TEX19: variants seen among roughly 807,000 people sequenced by gnomAD.
The protein encoded by TEX19 is testis-expressed protein 19.
For synonymous variants in TEX19, 77 were observed against 73.9 expected, an observed-to-expected ratio of 1.04 and a Z score of -0.21; for missense variants, 184 against 194.4, an observed-to-expected ratio of 0.95 and a Z score of 0.32.
intron 1 of TEX19, among the ~76,000 whole-genome samples, chr17:82,359,549 TTTCCCTCAA>T (rs913533820): frequency 5.4e-5 from 5 of 93,408 alleles, no homozygotes; most frequent in Non-Finnish European, 1.1e-4. Context: ...GTTCCCTCAG[TTTCCCTCAA>T]GTTTCCCTCA....
chr17:82,361,598 A>G lies in TEX19; in HGVS notation c.-271-282A>G, dbSNP rs1022434755. Reference sequence around the variant, plus strand: ...CCTTCAGGTTCCCTCAATTTCCATCAGGTCCCCTCAGGCTCTGCCAGTTTC... The same window carrying G: ...CCTTCAGGTTCCCTCAATTTCCATCGGGTCCCCTCAGGCTCTGCCAGTTTC... On this transcript the variant is annotated intron_variant, in intron 1 of 1. Transcript: ENST00000333437. 17 of 983,928 alleles carry G rather than the reference A, an allele frequency of 1.7e-5. No individual in the cohort carries two copies. In the South Asian group the frequency reaches 2.4e-4, roughly 14 times the overall value. 60.9% of individuals were successfully genotyped at this position (983,928 alleles called of 1,614,324 possible).
At position 82,363,386 on chromosome 17, in the gene TEX19, A is replaced by G. The variant is rs1029960388; in HGVS notation, c.*741A>G. The G allele has an allele frequency of 1.8e-5, 3 of 166,974 alleles. No individual in the cohort carries two copies. Among genetic ancestry groups the G allele is most frequent in the African/African-American group, 7.2e-5 (3 of 41,444 alleles). 10.3% of individuals were successfully genotyped at this position (166,974 alleles called of 1,614,324 possible). ...TGTGGCCTCAGAGGGAAGCATTACA[A>G]ATATTCATAACCTGGAAACAAGTTC... On this transcript the variant is annotated 3_prime_UTR_variant, in exon 2 of 2. Transcript: ENST00000333437.
In TEX19 at chr17:82,362,863, G is replaced by T; in HGVS notation, c.*218G>T. 1.8e-6 allele frequency: 1 copy of T among 550,706 alleles called. No individual in the cohort carries two copies. Among genetic ancestry groups the T allele is most frequent in the Non-Finnish European group, 3.1e-6 (1 of 319,292 alleles). The allele number at this position is 550,706 out of a possible 1,614,324, so 34.1% of individuals were successfully genotyped here. On this transcript the variant is annotated 3_prime_UTR_variant, in exon 2 of 2. Coordinates refer to ENST00000333437, the MANE Select transcript of TEX19 (RefSeq NM_207459.4). This position sits in a 1 kb window ranked among gnomAD's most constrained non-coding sequence, Gnocchi z 5.5. ...CACTGGAAATTGCTGCTGGAGCCTG[G>T]TGAAGTGTGGGTGGTGAGACTCCAA...
At chr17:82,361,807 C>A in intron 1 of TEX19, 73 bp from the exon 2 acceptor site, 7 of 1,096,388 alleles carry the variant, frequency 6.4e-6, no homozygotes, top group Non-Finnish European at 7.8e-6. Context: ...CATCCCTGCC[C>A]CTGCTGGTCC....
chr17:82,362,233 G>A lies in TEX19; in HGVS notation c.83G>A (p.Gly28Glu). Residue 28 changes from glycine to glutamate, a missense_variant, in exon 2 of 2, where the codon GGA (glycine) becomes GAA (glutamate). Transcript: ENST00000333437. This position sits in a 1 kb window ranked among gnomAD's most constrained non-coding sequence, Gnocchi z 5.5. Reference protein sequence around the residue: ...YASWMYQLQHGDQLSICFTCF... With the variant: ...YASWMYQLQHEDQLSICFTCF... Reference sequence around the variant, plus strand: ...TCCTGGATGTATCAGCTTCAACATGGAGATCAGCTAAGCATTTGCTTCACC... The same window carrying A: ...TCCTGGATGTATCAGCTTCAACATGAAGATCAGCTAAGCATTTGCTTCACC... 1.2e-6 allele frequency: 2 copies of A among 1,613,934 alleles called. No individual in the cohort carries two copies. The highest frequency in any genetic ancestry group is 1.6e-4 in the Middle Eastern group (1 of 6,062).
At chr17:82,359,374 C>G (rs2052355193) in intron 1 of TEX19, 89 bp downstream of exon 1, 1 of 152,418 alleles carries the variant, frequency 6.6e-6, no homozygotes, top group Non-Finnish European at 1.5e-5. Flanking sequence ...GAAGCGGGGC[C>G]AGGATTCCTC....
chr17:82,359,976 A>G (rs2052368803), intron 1 of TEX19, among the ~76,000 whole-genome samples: 1 of 114,010 alleles, frequency 8.8e-6, no homozygotes, highest in African/African-American at 3.7e-5. Context: ...AGGTTCCCTC[A>G]GTTTCCCTCA....
intron 1 of TEX19, among the ~76,000 whole-genome samples, chr17:82,359,894 C>CAGTTTCCCTCAGGTTCCCTCA (rs1362824477): frequency 7.4e-6 from 1 of 134,234 alleles, no homozygotes; most frequent in African/African-American, 2.9e-5. Context: ...CGGGTTCCCC[C>CAGTTTCCCTCAGGTTCCCTCA]AGTTTCCCTC....
At chr17:82,359,396 GTTTCCCTCAAA>G (rs2052355433) in intron 1 of TEX19, 111 bp downstream of exon 1, 1 of 152,118 alleles carries the variant, frequency 6.6e-6, no homozygotes, top group African/African-American at 2.4e-5. Flanking sequence ...GGTTCCCTCA[GTTTCCCTCAAA>G]TTTCCCTCAG....
rs1355314577 is a variant in TEX19, at chr17:82,362,869, T to G, written c.*224T>G. 1.9e-6 allele frequency: 1 copy of G among 535,980 alleles called. No homozygotes were observed. Among genetic ancestry groups the G allele is most frequent in the Non-Finnish European group, 3.2e-6 (1 of 308,122 alleles). The allele number at this position is 535,980 out of a possible 1,614,324, so 33.2% of individuals were successfully genotyped here. A position where few individuals can be genotyped will look rare whatever the true frequency, so the allele number is the denominator to read the frequency against. ...AAATTGCTGCTGGAGCCTGGTGAAGTGTGGGTGGTGAGACTCCAAGATGCA... is the reference window on the plus strand; with the variant it reads ...AAATTGCTGCTGGAGCCTGGTGAAGGGTGGGTGGTGAGACTCCAAGATGCA... On this transcript the variant is annotated 3_prime_UTR_variant, in exon 2 of 2. Transcript: ENST00000333437. This position sits in a 1 kb window ranked among gnomAD's most constrained non-coding sequence, Gnocchi z 5.5.
chr17:82,361,199 T>G (rs867976480), intron 1 of TEX19, among the ~76,000 whole-genome samples: 157 of 86,674 alleles, frequency 1.8e-3, no homozygotes, highest in Non-Finnish European at 2.5e-3. Context: ...GTTCCCTCAG[T>G]TTCCCCCAGT....
rs7502620 is a variant in TEX19 at position 82,362,685 on chromosome 17, G to A, written c.*40G>A. ...AGTGGACCTGCCCCCAGGGGAGCCCGTGGTGTTGAAGCTGGGCATTACCTG... is the reference window on the plus strand; with the variant it reads ...AGTGGACCTGCCCCCAGGGGAGCCCATGGTGTTGAAGCTGGGCATTACCTG... On this transcript the variant is annotated 3_prime_UTR_variant, in exon 2 of 2. Coordinates refer to ENST00000333437, the MANE Select transcript of TEX19 (RefSeq NM_207459.4). This position sits in a 1 kb window ranked among gnomAD's most constrained non-coding sequence, Gnocchi z 5.5. 474,954 of 1,517,652 alleles carry A rather than the reference G, an allele frequency of 0.31. 76,640 individuals are homozygous for A. The highest frequency in any genetic ancestry group is 0.47 in the South Asian group (35,053 of 74,680). 94.0% of individuals were successfully genotyped at this position (1,517,652 alleles called of 1,614,324 possible).
chr17:82,363,433 G>C lies in TEX19; in HGVS notation c.*788G>C, dbSNP rs1221868698. 3 of 167,032 alleles carry C rather than the reference G, an allele frequency of 1.8e-5. No individual in the cohort carries two copies. Among genetic ancestry groups the C allele is most frequent in the African/African-American group, 7.2e-5 (3 of 41,462 alleles). The allele number at this position is 167,032 out of a possible 1,614,324, so 10.3% of individuals were successfully genotyped here. A position where few individuals can be genotyped will look rare whatever the true frequency, so the allele number is the denominator to read the frequency against. ...GTTCTTACCAGTTGATTGTCACATA[G>C]TTCTGGATGTGTTGGCCTGAATGGC... On this transcript the variant is annotated 3_prime_UTR_variant, in exon 2 of 2. Coordinates refer to ENST00000333437, the MANE Select transcript of TEX19 (RefSeq NM_207459.4).
chr17:82,359,443 C>T (rs1305562269), intron 1 of TEX19, among the ~76,000 whole-genome samples, 158 bp downstream of exon 1: 2 of 137,000 alleles, frequency 1.5e-5, no homozygotes, highest in Admixed American at 7.1e-5. Flanking sequence ...CTAAGGTTCT[C>T]CAAGTTCCCT....
Position 82,362,418 on chromosome 17 carries a change from C to T in TEX19, c.268C>T (p.Pro90Ser). 6.2e-7 allele frequency: 1 copy of T among 1,612,986 alleles called. No homozygotes were observed. The highest frequency in any genetic ancestry group is 1.1e-5 in the South Asian group (1 of 91,072). Residue 90 changes from proline to serine, a missense_variant, in exon 2 of 2, where the codon CCT (proline) becomes TCT (serine). Coordinates refer to ENST00000333437, the MANE Select transcript of TEX19 (RefSeq NM_207459.4). The surrounding 1 kb of genome is among the most constrained non-coding windows in gnomAD (Gnocchi z 5.5). ...ELSWGQSPGQPVQGGSEAWGP... is the reference protein window; with the variant it reads ...ELSWGQSPGQSVQGGSEAWGP... ...GAGCTGGGGGCAGAGCCCAGGACAG[C>T]CTGTGCAGGGGGGCTCTGAGGCATG...
In TEX19 at chr17:82,361,553, C is replaced by T. The variant is rs369586939; in HGVS notation, c.-271-327C>T. 154 of 911,762 alleles carry T rather than the reference C, an allele frequency of 1.7e-4. 1 individual carries two copies. The African/African-American group carries it at 2.1e-3, about 13-fold the overall frequency. 56.5% of individuals were successfully genotyped at this position (911,762 alleles called of 1,614,324 possible). ...AGGTTCCCCCAGTTTCCCTCAGGTT[C>T]CCTCAGGTTCCCCCAGTTTCCTTCA... On this transcript the variant is annotated intron_variant, in intron 1 of 1. Coordinates refer to ENST00000333437, the MANE Select transcript of TEX19 (RefSeq NM_207459.4).
Position 82,363,259 on chromosome 17 carries a change from G to A in TEX19, c.*614G>A, listed in dbSNP as rs917588597. ...TTGTCCTGGGCACACCAGGACATCA[G>A]AGACTGGGAAGGGCCAGCAATTGCT... On this transcript the variant is annotated 3_prime_UTR_variant, in exon 2 of 2. Transcript: ENST00000333437. The A allele has an allele frequency of 1.2e-5, 2 of 166,938 alleles. No individual in the cohort carries two copies. Among genetic ancestry groups the A allele is most frequent in the Admixed American group, 1.3e-4 (2 of 15,286 alleles). 10.3% of individuals were successfully genotyped at this position (166,938 alleles called of 1,614,324 possible).
chr17:82,361,704 C>T (rs965053664), intron 1 of TEX19, 176 bp from the exon 2 acceptor site: 1 of 985,354 alleles, frequency 1.0e-6, no homozygotes, highest in Non-Finnish European at 1.2e-6. Flanking sequence ...CTGATGAGCC[C>T]GGGGAGGTCG....
At chr17:82,360,554 T>G (rs1254127612) in intron 1 of TEX19, among the ~76,000 whole-genome samples, 2 of 78,478 alleles carry the variant, frequency 2.5e-5, no homozygotes, top group African/African-American at 5.7e-5. Flanking sequence ...TTTCCCCCAG[T>G]TTCCCTCAAG....
Sources: gnomAD v4.1 joint callset for allele counts (sites outside exome capture counted in the v4.1 genomes callset) on GRCh38, gnomAD v4.1.1 for gene constraint, Gnocchi (gnomAD v3.1) non-coding constraint, MANE v1.5 for transcripts, NCBI Gene and HGNC (gene_info 2026-07-23, HGNC 2026-07-21) for gene names.